CCSER1: variants seen among roughly 807,000 people sequenced by gnomAD.
CCSER1 encodes coiled-coil serine rich protein 1, also known as serine-rich coiled-coil domain-containing protein 1.
Under a neutral mutation model 82.0 loss-of-function variants are expected in CCSER1, and 41 were observed. The observed-to-expected ratio is 0.50, with a 90% CI of 0.39 to 0.65. CCSER1 has a LOEUF of 0.65. CCSER1 is among the 30% of genes least tolerant of loss of function. The probability of loss-of-function intolerance (pLI) is 0.00; values close to 1 mark genes in which losing one functional copy is unlikely to be tolerated. For synonymous variants in CCSER1, 414 were observed against 383.9 expected, an observed-to-expected ratio of 1.08 and a Z score of -0.92; for missense variants, 1,119 against 1,064.2, an observed-to-expected ratio of 1.05 and a Z score of -0.72.
At chr4:90,401,578 G>A (rs148297792) in intron 4 of CCSER1, among the ~76,000 whole-genome samples, 6 of 152,154 alleles carry the variant, frequency 3.9e-5, no homozygotes, top group African/African-American at 7.2e-5. Flanking sequence ...CTGTTGCCCA[G>A]GCTGGAGTCC....
At chr4:91,456,936 A>C (rs1208923143) in intron 10 of CCSER1, among the ~76,000 whole-genome samples, 1 of 152,116 alleles carries the variant, frequency 6.6e-6, no homozygotes, top group African/African-American at 2.4e-5. Context: ...GGCCTGAGTA[A>C]TTCTTTCGTG....
At chr4:91,064,323 C>T (rs61267684) in intron 9 of CCSER1, among the ~76,000 whole-genome samples, 3,641 of 152,264 alleles carry the variant, frequency 0.024, 127 homozygotes, top group African/African-American at 0.081. Context: ...TCTGATAACT[C>T]AGAGGCATTG....
At chr4:90,353,185 G>A (rs938672222) in intron 3 of CCSER1, among the ~76,000 whole-genome samples, 1 of 151,928 alleles carries the variant, frequency 6.6e-6, no homozygotes, top group African/African-American at 2.4e-5. Context: ...TTTATACTGG[G>A]CATTTGTTGG....
intron 10 of CCSER1, among the ~76,000 whole-genome samples, chr4:91,368,812 C>A (rs1382928168): frequency 1.3e-5 from 2 of 152,108 alleles, no homozygotes; most frequent in Admixed American, 1.3e-4. Flanking sequence ...CCCTGTAAAT[C>A]AGTTTCTATA....
rs998825004 is a variant in CCSER1 at position 91,225,780 on chromosome 4, C to T, written c.2217+139786C>T. Among the ~76,000 whole-genome samples, 9 of 151,618 alleles carry T rather than the reference C, an allele frequency of 5.9e-5. No individual in the cohort carries two copies. In the South Asian group the frequency reaches 1.0e-3, roughly 17 times the overall value. On this transcript the variant is annotated intron_variant, in intron 10 of 10. Coordinates refer to ENST00000509176, the MANE Select transcript of CCSER1 (RefSeq NM_001145065.2). Reference sequence around the variant, plus strand: ...CTGATTTTGATGGTTTCAATCTGTGCGACATTGGGTAAATTGTCTTACATT... The same window carrying T: ...CTGATTTTGATGGTTTCAATCTGTGTGACATTGGGTAAATTGTCTTACATT...
At chr4:90,219,793 A>G (rs547899638) in intron 1 of CCSER1, among the ~76,000 whole-genome samples, 1 of 152,324 alleles carries the variant, frequency 6.6e-6, no homozygotes, top group Non-Finnish European at 1.5e-5. Flanking sequence ...CCTTGTAAGT[A>G]TCCCATGCTT....
intron 10 of CCSER1, among the ~76,000 whole-genome samples, chr4:91,461,042 A>C (rs1756472525): frequency 6.6e-6 from 1 of 152,210 alleles, no homozygotes; most frequent in Non-Finnish European, 1.5e-5. Context: ...AAATGGAAAC[A>C]CATACCACTC....
chr4:91,064,738 G>A lies in CCSER1; in HGVS notation c.2173-21212G>A, dbSNP rs542845750. Among the ~76,000 whole-genome samples the A allele has an allele frequency of 9.9e-5, 15 of 151,800 alleles. 1 individual carries two copies. The highest frequency in any genetic ancestry group is 3.1e-4 in the African/African-American group (13 of 41,404). On this transcript the variant is annotated intron_variant, in intron 9 of 10. Coordinates refer to ENST00000509176, the MANE Select transcript of CCSER1 (RefSeq NM_001145065.2). ...AGGGAACTTCAAAAGCCACATTGCTGGAAACCAGCCAAGTAACAGCCCTGC... is the reference window on the plus strand; with the variant it reads ...AGGGAACTTCAAAAGCCACATTGCTAGAAACCAGCCAAGTAACAGCCCTGC...
intron 7 of CCSER1, among the ~76,000 whole-genome samples, chr4:90,743,389 T>A (rs1429119547): frequency 1.3e-5 from 2 of 152,212 alleles, no homozygotes; most frequent in Non-Finnish European, 2.9e-5. Flanking sequence ...AAGGAAATTA[T>A]CTGCTTTGAA....
At chr4:91,275,282 T>A (rs1438164654) in intron 10 of CCSER1, among the ~76,000 whole-genome samples, 1 of 151,748 alleles carries the variant, frequency 6.6e-6, no homozygotes. Flanking sequence ...TTTCTTTGCA[T>A]CCTTGCCAGC....
intron 10 of CCSER1, among the ~76,000 whole-genome samples, chr4:91,414,713 T>G (rs1400161527): frequency 2.0e-5 from 3 of 152,014 alleles, no homozygotes; most frequent in African/African-American, 7.2e-5. Flanking sequence ...GAAAGCAAAA[T>G]GACTGAAAAA....
chr4:90,527,594 T>A (rs115571970), intron 5 of CCSER1, among the ~76,000 whole-genome samples: 1,694 of 152,256 alleles, frequency 0.011, 30 homozygotes, highest in African/African-American at 0.039. Flanking sequence ...TTTTTTCCCC[T>A]GAAGAAATCA....
At chr4:90,815,056 G>A (rs1394751306) in intron 7 of CCSER1, among the ~76,000 whole-genome samples, 1 of 152,116 alleles carries the variant, frequency 6.6e-6, no homozygotes, top group Non-Finnish European at 1.5e-5. Flanking sequence ...ATTTATACAG[G>A]AAAAAGGTTT....
chr4:90,324,297 G>A (rs961180008), intron 3 of CCSER1, among the ~76,000 whole-genome samples: 1 of 151,742 alleles, frequency 6.6e-6, no homozygotes, highest in African/African-American at 2.4e-5. Context: ...CAGTGTCAAA[G>A]TGTTCCTATT....
At chr4:90,495,295 C>A (rs1039784827) in intron 5 of CCSER1, among the ~76,000 whole-genome samples, 1 of 152,138 alleles carries the variant, frequency 6.6e-6, no homozygotes, top group Admixed American at 6.6e-5. Context: ...GAGAATAGTG[C>A]TTTAAAAGCT....
At chr4:91,380,053 A>T (rs1383010824) in intron 10 of CCSER1, among the ~76,000 whole-genome samples, 1 of 152,064 alleles carries the variant, frequency 6.6e-6, no homozygotes, top group Non-Finnish European at 1.5e-5. Flanking sequence ...GTAGTTGAGC[A>T]GTTTTGAGTG....
At chr4:90,289,875 A>G (rs556659055) in intron 1 of CCSER1, among the ~76,000 whole-genome samples, 3 of 151,964 alleles carry the variant, frequency 2.0e-5, no homozygotes, top group Admixed American at 2.0e-4. Flanking sequence ...GGTGCTATGT[A>G]TGACTCAATT....
chr4:91,570,079 T>C (rs1357137564), intron 10 of CCSER1, among the ~76,000 whole-genome samples: 1 of 152,140 alleles, frequency 6.6e-6, no homozygotes, highest in Non-Finnish European at 1.5e-5. Flanking sequence ...AATAGGGTAG[T>C]CATCAAACCT....
intron 10 of CCSER1, among the ~76,000 whole-genome samples, chr4:91,577,986 G>A (rs938078650): frequency 1.3e-5 from 2 of 151,952 alleles, no homozygotes; most frequent in Non-Finnish European, 2.9e-5. Flanking sequence ...AAGACTGCAA[G>A]TTCAGCAAGT....
Sources: allele counts gnomAD v4.1 joint callset (sites outside exome capture counted in the v4.1 genomes callset), GRCh38; gene constraint gnomAD v4.1.1; transcripts MANE v1.5; gene names NCBI Gene and HGNC (gene_info 2026-07-23, HGNC 2026-07-21).